Variants in PGAP4 observed in about 807,000 individuals in gnomAD.
PGAP4 encodes the protein GPI-N-acetylgalactosamine transferase PGAP4.
PGAP4 carries 12 observed loss-of-function variants against 28.2 expected under a neutral mutation model. The observed-to-expected ratio is 0.42, with a 90% CI of 0.27 to 0.69. The LOEUF (loss-of-function observed/expected upper bound fraction) is 0.69, where lower values mean the gene tolerates loss of function less well. Ranked by LOEUF, PGAP4 falls within the 30% of genes least tolerant of loss-of-function variation. The pLI, the probability that PGAP4 is intolerant of heterozygous loss-of-function variation, is 0.22. For missense variants in PGAP4, 425 were observed against 513.5 expected (o/e 0.83, Z 1.67); for synonymous variants, 205 against 211.8 (o/e 0.97, Z 0.28).
intron 2 of PGAP4, among the ~76,000 whole-genome samples, chr9:101,524,320 C>T (rs1211389944): frequency 6.6e-6 from 1 of 152,010 alleles, no homozygotes; most frequent in Non-Finnish European, 1.5e-5. Flanking sequence ...TGGTCTCACT[C>T]CCACTGTGTC....
At chr9:101,490,245 A>G (rs1157624029), upstream of PGAP4, among the ~76,000 whole-genome samples, 1 of 152,058 alleles carries the variant, frequency 6.6e-6, no homozygotes, top group African/African-American at 2.4e-5. Context: ...GCTGGAGTGC[A>G]GTGATGCAAT....
chr9:101,531,315 A>C (rs1297798212), intron 2 of PGAP4: 1 of 152,260 alleles, frequency 6.6e-6, no homozygotes, highest in Non-Finnish European at 1.5e-5. Context: ...AGAAAGACAT[A>C]TATCCCAGTT....
At chr9:101,512,006 A>G (rs1826902366) in intron 2 of PGAP4, among the ~76,000 whole-genome samples, 1 of 152,178 alleles carries the variant, frequency 6.6e-6, no homozygotes, top group Non-Finnish European at 1.5e-5. Context: ...AATAATGAGG[A>G]CACTCTAACC....
At chr9:101,512,247 C>T (rs1826904256) in intron 2 of PGAP4, among the ~76,000 whole-genome samples, 1 of 152,072 alleles carries the variant, frequency 6.6e-6, no homozygotes, top group South Asian at 2.1e-4. Flanking sequence ...TTTAAGGAAG[C>T]AAGATAATCC....
Position 101,514,996 on chromosome 9 carries a change from T to G in PGAP4, c.-165+16352A>C, listed in dbSNP as rs542824601. 3.9e-5 allele frequency among the ~76,000 whole-genome samples: 6 copies of G among 152,288 alleles called. No individual in the cohort carries two copies. In the South Asian group the frequency reaches 8.3e-4, roughly 21 times the overall value. ...TGGATGTACATATATGTGATGCTAT[T>G]TTACATTCATTCAACTTTCCAGTCA... is the stretch of plus-strand genomic sequence containing the variant. On this transcript the variant is annotated intron_variant, in intron 2 of 3. Transcript: ENST00000374851.
chr9:101,530,118 A>C (rs1827074564), intron 2 of PGAP4, among the ~76,000 whole-genome samples: 1 of 152,258 alleles, frequency 6.6e-6, no homozygotes, highest in Non-Finnish European at 1.5e-5. Context: ...GTAGAAAAAA[A>C]CAATAAACAA....
chr9:101,484,493 G>A (rs1826568734), intron 1 of PGAP4, among the ~76,000 whole-genome samples: 1 of 152,158 alleles, frequency 6.6e-6, no homozygotes, highest in African/African-American at 2.4e-5. Context: ...GCCAAAATTC[G>A]TGTTATAAAT....
intron 2 of PGAP4, among the ~76,000 whole-genome samples, chr9:101,507,017 C>A (rs1826853820): frequency 6.6e-6 from 1 of 152,062 alleles, no homozygotes; most frequent in South Asian, 2.1e-4. Context: ...CAGTGGTATA[C>A]CTATGATTAA....
At chr9:101,489,517 C>T (rs1826667372), upstream of PGAP4, among the ~76,000 whole-genome samples, 1 of 152,154 alleles carries the variant, frequency 6.6e-6, no homozygotes. Flanking sequence ...ATTAAAACAA[C>T]AAAAGAATAA....
exon 1 of PGAP4, chr9:101,533,433 A>C (rs1341240411): frequency 6.6e-6 from 1 of 152,224 alleles, no homozygotes; most frequent in East Asian, 1.9e-4. Flanking sequence ...TCATTTCAGC[A>C]CGTAGGGGTA....
Position 101,476,911 on chromosome 9 carries a change from A to C in PGAP4, c.182T>G (p.Met61Arg), listed in dbSNP as rs776660452. The change falls in exon 2 of 2, where the codon ATG (methionine) becomes AGG (arginine). Residue 61 changes from methionine (M) to arginine (R), a missense_variant. Met to Arg is a moderately conservative substitution (Grantham distance 91). Transcript: ENST00000374848. This position sits in a 1 kb window ranked among gnomAD's most constrained non-coding sequence, Gnocchi z 7.0. ...FYLRHWHLNQ[M>R]SQEFLQQSLK... ...GCTTTGCTGCAGGAACTCTTGGCTC[A>C]TTTGGTTCAGATGCCAATGGCGCAG... The C allele has an allele frequency of 6.2e-7, 1 of 1,614,066 alleles. No homozygotes were observed. Among genetic ancestry groups the C allele is most frequent in the Non-Finnish European group, 8.5e-7 (1 of 1,179,948 alleles).
At chr9:101,524,153 G>A (rs933686295) in intron 2 of PGAP4, among the ~76,000 whole-genome samples, 4 of 151,424 alleles carry the variant, frequency 2.6e-5, no homozygotes, top group African/African-American at 9.7e-5. Context: ...GGGCGGGTGT[G>A]CAATGGACTC....
upstream of PGAP4, among the ~76,000 whole-genome samples, chr9:101,490,571 A>G (rs1331061636): frequency 6.6e-6 from 1 of 152,240 alleles, no homozygotes; most frequent in Non-Finnish European, 1.5e-5. Flanking sequence ...GATCAGGACT[A>G]TTGGATATGT....
chr9:101,479,907 CA>C (rs1257574610), intron 1 of PGAP4: 2 of 152,110 alleles, frequency 1.3e-5, no homozygotes, highest in Non-Finnish European at 2.9e-5. Context: ...CACAAGAGGC[CA>C]AGTCAAAACA....
intron 2 of PGAP4, among the ~76,000 whole-genome samples, chr9:101,493,252 C>CAA (rs34195899): frequency 0.16 from 19,002 of 116,610 alleles, 1,441 homozygotes; most frequent in East Asian, 0.24. Context: ...GACTCCATCT[C>CAA]AAAAAAAAAA....
Position 101,523,619 on chromosome 9 carries a change from C to CTTTTTTTTTTTTTTTTTTTTTTTTTTTT in PGAP4, c.-165+7701_-165+7728dup, listed in dbSNP as rs71356369. On this transcript the variant is annotated intron_variant, in intron 2 of 3. Coordinates refer to the PGAP4 transcript ENST00000374851. ...ACATTTCTCCCCTCACTTCTTGTATCTTTTTTTTTTTTTTTTTTTTTTTTT... is the reference window on the plus strand; with the variant it reads ...ACATTTCTCCCCTCACTTCTTGTATCTTTTTTTTTTTTTTTTTTTTTTTTTTTTTTTTTTTTTTTTTTTTTTTTTTTTT... 1.3e-4 allele frequency among the ~76,000 whole-genome samples: 8 copies of CTTTTTTTTTTTTTTTTTTTTTTTTTTTT among 59,344 alleles called. 2 individuals carry two copies. Among genetic ancestry groups the CTTTTTTTTTTTTTTTTTTTTTTTTTTTT allele is most frequent in the African/African-American group, 3.5e-4 (5 of 14,102 alleles). The allele number at this position is 59,344 out of a possible 152,430, so 38.9% of individuals were successfully genotyped here.
Position 101,476,969 on chromosome 9 carries a change from C to G in PGAP4, c.124G>C (p.Ala42Pro). 1 of 1,612,350 alleles carries G rather than the reference C, an allele frequency of 6.2e-7. No homozygotes were observed. The highest frequency in any genetic ancestry group is 8.5e-7 in the Non-Finnish European group (1 of 1,179,418). ...VVTFGLLAPL[A>P]CHRLLHSYFY... The stretch of plus-strand genomic sequence containing the variant: ...TAAGAGTGTAGAAGTCGGTGACAGG[C>G]CAGGGGGGCCAGCAGGCCAAACGTC... The change falls in exon 2 of 2, where the codon GCC becomes CCC. Residue 42 changes from alanine (A) to proline (P), a missense_variant. Ala to Pro is a conservative substitution (Grantham distance 27). Coordinates refer to ENST00000374848, the MANE Select transcript of PGAP4 (RefSeq NM_032342.3). This position sits in a 1 kb window ranked among gnomAD's most constrained non-coding sequence, Gnocchi z 7.0.
intron 2 of PGAP4, among the ~76,000 whole-genome samples, chr9:101,501,324 A>G (rs1826796457): frequency 6.6e-6 from 1 of 152,112 alleles, no homozygotes; most frequent in African/African-American, 2.4e-5. Flanking sequence ...ATGATTCAGA[A>G]TATGAGCTGA....
At chr9:101,501,420 G>A (rs1323931903) in intron 2 of PGAP4, among the ~76,000 whole-genome samples, 3 of 152,038 alleles carry the variant, frequency 2.0e-5, no homozygotes, top group Non-Finnish European at 2.9e-5. Flanking sequence ...AAAAGAGGAA[G>A]GTGATATTTC....
Sources: allele counts gnomAD v4.1 joint callset (sites outside exome capture counted in the v4.1 genomes callset), GRCh38; gene constraint gnomAD v4.1.1; non-coding constraint Gnocchi (gnomAD v3.1); transcripts MANE v1.5; gene names NCBI Gene and HGNC (gene_info 2026-07-23, HGNC 2026-07-21).